The following ABCC8 variants were observed in gnomAD, a reference collection of about 807,000 sequenced individuals.
The protein encoded by ABCC8 is ATP-binding cassette sub-family C member 8.
Under a neutral mutation model 188.0 loss-of-function variants are expected in ABCC8, and 137 were observed. That is an observed-to-expected ratio of 0.73 (90% CI 0.63 to 0.84). The LOEUF is 0.84. Among genes scored for constraint, ABCC8 ranks in the 40% least tolerant of loss-of-function variants. ABCC8 has a pLI of 0.00. For missense variants in ABCC8, 1,750 were observed against 2,072.7 expected, an observed-to-expected ratio of 0.84 and a Z score of 3.02; for synonymous variants, 797 against 846.5, an observed-to-expected ratio of 0.94 and a Z score of 1.01.
intron 30 of ABCC8, 92 bp downstream of exon 30, chr11:17,398,247 C>T: frequency 6.6e-7 from 1 of 1,509,244 alleles, no homozygotes; most frequent in Non-Finnish European, 9.1e-7. Flanking sequence ...GATCTGGTAT[C>T]CTATCCTCTC....
At chr11:17,450,684 A>ATTGCG (rs1956780375) in intron 7 of ABCC8, among the ~76,000 whole-genome samples, 2 of 70,250 alleles carry the variant, frequency 2.8e-5, no homozygotes, top group East Asian at 4.0e-4. Flanking sequence ...GGCATGAGCC[A>ATTGCG]CTTTTTTTTT....
chr11:17,469,015 C>T (rs868158881), intron 3 of ABCC8, among the ~76,000 whole-genome samples: 2 of 152,000 alleles, frequency 1.3e-5, no homozygotes, highest in Non-Finnish European at 2.9e-5. Context: ...TCTTCTCTCC[C>T]CAGGTGACCT....
At chr11:17,437,671 T>C (rs749664154) in intron 10 of ABCC8, among the ~76,000 whole-genome samples, 1 of 152,206 alleles carries the variant, frequency 6.6e-6, no homozygotes, top group African/African-American at 2.4e-5. Context: ...GGCATCTCAG[T>C]CAGACTGATC....
chr11:17,468,256 T>G (rs1848279538), intron 3 of ABCC8, among the ~76,000 whole-genome samples: 1 of 152,204 alleles, frequency 6.6e-6, no homozygotes, highest in Admixed American at 6.5e-5. Context: ...CTGTACTCCC[T>G]GACAACACCA....
rs986666020 is a variant in ABCC8 at position 17,466,555 on chromosome 11, T to C, written c.413-2951A>G. On this transcript the variant is annotated intron_variant, in intron 3 of 38. Coordinates refer to ENST00000389817, the MANE Select transcript of ABCC8 (RefSeq NM_000352.6). Reference sequence around the variant, plus strand: ...ATTTAATGAGTACAGAGTTTCAACCTGGGAAGATGAAAAAGTTCTGGAGAT... The same window carrying C: ...ATTTAATGAGTACAGAGTTTCAACCCGGGAAGATGAAAAAGTTCTGGAGAT... Among the ~76,000 whole-genome samples, 8 of 152,108 alleles carry C rather than the reference T, an allele frequency of 5.3e-5. No individual in the cohort carries two copies. In the East Asian group the frequency reaches 1.5e-3, roughly 29 times the overall value.
At chr11:17,406,370 C>T (rs1220965280) in intron 26 of ABCC8, 5 of 557,340 alleles carry the variant, frequency 9.0e-6, no homozygotes, top group Non-Finnish European at 1.6e-5. Flanking sequence ...TGTGCAGACG[C>T]TCACTTTAAA....
At position 17,405,482 on chromosome 11, in the gene ABCC8, G is replaced by A. The variant is rs372561049; in HGVS notation, c.3399+12C>T. On this transcript the variant is annotated intron_variant, in intron 27 of 38. Coordinates refer to ENST00000389817, the MANE Select transcript of ABCC8 (RefSeq NM_000352.6). ...TCTGGAAGGGGGGATAGTGTGGCACGGTCCTCTGTACCTGGTCGATGGTGT... is the reference window on the plus strand; with the variant it reads ...TCTGGAAGGGGGGATAGTGTGGCACAGTCCTCTGTACCTGGTCGATGGTGT... 398 of 1,614,046 alleles carry A rather than the reference G, an allele frequency of 2.5e-4. No homozygotes were observed. The highest frequency in any genetic ancestry group is 3.1e-4 in the Non-Finnish European group (371 of 1,180,028).
chr11:17,401,222 C>A (rs1954224172), intron 29 of ABCC8, among the ~76,000 whole-genome samples: 1 of 152,150 alleles, frequency 6.6e-6, no homozygotes, highest in Non-Finnish European at 1.5e-5. Flanking sequence ...TGTCGAGGGA[C>A]CTGGAAGTTG....
intron 10 of ABCC8, chr11:17,435,583 CT>C: frequency 7.3e-7 from 1 of 1,360,892 alleles, no homozygotes; most frequent in South Asian, 1.2e-5. Context: ...ATAAGGAGAA[CT>C]TTTCCCAGGC....
intron 16 of ABCC8, among the ~76,000 whole-genome samples, chr11:17,418,665 C>A (rs1289782244): frequency 6.6e-6 from 1 of 152,148 alleles, no homozygotes. Context: ...AGGACCCCAG[C>A]ACACAGTAAG....
In ABCC8 at chr11:17,427,874, G is replaced by A; in HGVS notation, c.2109C>T (p.Ile703=). Residue 703 remains isoleucine, a synonymous_variant, in exon 15 of 39, where the codon ATC becomes ATT. Transcript: ENST00000389817. The surrounding 1 kb of genome is among the most constrained non-coding windows in gnomAD (Gnocchi z 5.0). ...IPTLSNITIR[I]PRGQLTMIVG... is the part of the protein sequence containing the mutation. ...GGGTGGACTGGGCCATACCTCGGGG[G>A]ATACGAATGGTGATGTTGGACAGTG... The A allele has an allele frequency of 6.2e-7, 1 of 1,614,076 alleles. No homozygotes were observed. The highest frequency in any genetic ancestry group is 1.3e-5 in the African/African-American group (1 of 75,040).
At chr11:17,399,710 G>A (rs1329300403) in intron 29 of ABCC8, among the ~76,000 whole-genome samples, 1 of 152,198 alleles carries the variant, frequency 6.6e-6, no homozygotes, top group African/African-American at 2.4e-5. Context: ...CAAATTCCAT[G>A]AAGATGTTTT....
intron 4 of ABCC8, 37 bp downstream of exon 4, chr11:17,463,401 G>A (rs1434071910): frequency 2.6e-6 from 4 of 1,549,038 alleles, no homozygotes; most frequent in East Asian, 2.3e-5. Context: ...CAGAGCCTCT[G>A]CTTCCCACCC....
At chr11:17,393,890 C>T in intron 37 of ABCC8, 131 bp from the exon 38 acceptor site, 1 of 1,579,652 alleles carries the variant, frequency 6.3e-7, no homozygotes, top group Non-Finnish European at 8.6e-7. Context: ...ACCCCCACCC[C>T]ACAGGACTGA....
chr11:17,404,179 C>T lies in ABCC8; in HGVS notation c.3557+333G>A, dbSNP rs1391694595. On this transcript the variant is annotated intron_variant, in intron 28 of 38. Transcript: ENST00000389817. This position sits in a 1 kb window ranked among gnomAD's most constrained non-coding sequence, Gnocchi z 4.7. ...TTTCATGCATCAGCAATCAGCCTGA[C>T]CACTAGAATGATGCAACCCTCCTGG... Among the ~76,000 whole-genome samples the T allele has an allele frequency of 6.6e-6, 1 of 152,118 alleles. No individual in the cohort carries two copies. Among genetic ancestry groups the T allele is most frequent in the Non-Finnish European group, 1.5e-5 (1 of 68,032 alleles).
At chr11:17,462,607 C>G (rs926036105) in intron 4 of ABCC8, among the ~76,000 whole-genome samples, 4 of 152,216 alleles carry the variant, frequency 2.6e-5, no homozygotes, top group African/African-American at 7.2e-5. Context: ...GTTCAACACA[C>G]CATTATTCAT....
chr11:17,446,056 C>T (rs910900514), intron 8 of ABCC8, among the ~76,000 whole-genome samples: 2 of 151,644 alleles, frequency 1.3e-5, no homozygotes, highest in Non-Finnish European at 2.9e-5. Context: ...GTCTCCGCCT[C>T]CTGGGCTCAA....
At chr11:17,440,555 G>A (rs1249853915) in intron 10 of ABCC8, among the ~76,000 whole-genome samples, 1 of 152,216 alleles carries the variant, frequency 6.6e-6, no homozygotes, top group Non-Finnish European at 1.5e-5. Context: ...GAGAGACCAG[G>A]AACTTGGGGT....
chr11:17,441,562 ACAGGT>A (rs1956316625), intron 10 of ABCC8, among the ~76,000 whole-genome samples: 1 of 152,062 alleles, frequency 6.6e-6, no homozygotes, highest in African/African-American at 2.4e-5. Flanking sequence ...CTTAGACTGG[ACAGGT>A]CAGGGAACTA....
Sources: gnomAD v4.1 joint callset for allele counts (sites outside exome capture counted in the v4.1 genomes callset) on GRCh38, gnomAD v4.1.1 for gene constraint, Gnocchi (gnomAD v3.1) non-coding constraint, MANE v1.5 for transcripts, NCBI Gene and HGNC (gene_info 2026-07-23, HGNC 2026-07-21) for gene names.